TMEM135: variants seen among roughly 807,000 people sequenced by gnomAD.
The protein encoded by TMEM135 is peroxisomal membrane protein 52.
TMEM135 carries 30 observed loss-of-function variants against 60.3 expected under a neutral mutation model. The observed-to-expected ratio is 0.50, with a 90% confidence interval of 0.37 to 0.68. TMEM135 has a LOEUF of 0.68. TMEM135 is among the 30% of genes least tolerant of loss of function. TMEM135 has a pLI of 0.00. For synonymous variants in TMEM135, 190 were observed against 186.7 expected (o/e 1.02, Z -0.14); for missense variants, 468 against 548.8 (o/e 0.85, Z 1.47).
chr11:87,095,552 G>A (rs1325853204), intron 4 of TMEM135: 5 of 200,600 alleles, frequency 2.5e-5, no homozygotes, highest in Admixed American at 9.1e-5. Flanking sequence ...AAGCCTGTCC[G>A]GTTATCAAAA....
intron 6 of TMEM135, among the ~76,000 whole-genome samples, chr11:87,285,789 C>T (rs1374614503): frequency 6.6e-6 from 1 of 152,208 alleles, no homozygotes; most frequent in Non-Finnish European, 1.5e-5. Context: ...TTATCTGGCC[C>T]CACCCTCATC....
At chr11:87,195,314 TTTCCTTCCTTCCTTCC>T (rs58025103) in intron 5 of TMEM135, among the ~76,000 whole-genome samples, 6,667 of 65,560 alleles carry the variant, frequency 0.1, 641 homozygotes, top group Admixed American at 0.12. Context: ...TTTCTTTCTC[TTTCCTTCCTTCCTTCC>T]TTCCTTCCTT....
rs1942338205 is a variant in TMEM135 at position 87,295,795 on chromosome 11, T to G, written c.523T>G (p.Leu175Val). The G allele has an allele frequency of 6.2e-7, 1 of 1,607,982 alleles. No homozygotes were observed. Among genetic ancestry groups the G allele is most frequent in the African/African-American group, 1.3e-5 (1 of 74,802 alleles). ...TTATTGTTTTAGGTGCAAGGATGGC[T>G]TGAAAGGATTTACATTTTCTGCACT... is the stretch of plus-strand genomic sequence containing the variant. The part of the protein sequence containing the change: ...YMFFFRCKDG[L>V]KGFTFSALRF... Residue 175 changes from leucine to valine, a missense_variant, in exon 7 of 15, where the codon TTG becomes GTG. Leu to Val is a conservative substitution (Grantham distance 32). Coordinates refer to ENST00000305494, the MANE Select transcript of TMEM135 (RefSeq NM_022918.4).
intron 6 of TMEM135, among the ~76,000 whole-genome samples, chr11:87,245,560 G>T (rs1941248438): frequency 7.0e-6 from 1 of 143,822 alleles, no homozygotes; most frequent in East Asian, 2.0e-4. Flanking sequence ...ATGTATTTAG[G>T]ATAGTTAGCT....
chr11:87,292,809 TCTG>T (rs1942289816), intron 6 of TMEM135, among the ~76,000 whole-genome samples: 1 of 152,232 alleles, frequency 6.6e-6, no homozygotes, highest in South Asian at 2.1e-4. Context: ...CCCACAGAGT[TCTG>T]CTGAAAGAAC....
At chr11:87,263,304 A>G (rs1941689328) in intron 6 of TMEM135, among the ~76,000 whole-genome samples, 2 of 152,224 alleles carry the variant, frequency 1.3e-5, no homozygotes, top group South Asian at 4.1e-4. Flanking sequence ...TGAAGAGCAC[A>G]TTTTGAAAAT....
chr11:87,055,897 G>T (rs903057763), intron 1 of TMEM135, among the ~76,000 whole-genome samples: 1 of 152,122 alleles, frequency 6.6e-6, no homozygotes, highest in Non-Finnish European at 1.5e-5. Flanking sequence ...TGGATTTTGC[G>T]CAAGAAAGAA....
intron 4 of TMEM135, among the ~76,000 whole-genome samples, chr11:87,129,665 T>G (rs1261829149): frequency 1.3e-5 from 2 of 151,582 alleles, no homozygotes; most frequent in Non-Finnish European, 2.9e-5. Flanking sequence ...CTCAGTTTCT[T>G]GAGTAGCTGG....
intron 1 of TMEM135, among the ~76,000 whole-genome samples, chr11:87,046,224 C>G (rs751270909): frequency 5.3e-5 from 8 of 151,996 alleles, no homozygotes; most frequent in African/African-American, 1.2e-4. Flanking sequence ...TGGTCAAATG[C>G]TGAAACCCCT....
rs1209203578 is a variant in TMEM135 at position 87,112,823 on chromosome 11, T to A, written c.396+21428T>A. 3.9e-5 allele frequency among the ~76,000 whole-genome samples: 6 copies of A among 152,048 alleles called. No individual in the cohort carries two copies. The South Asian group carries it at 1.2e-3, about 31-fold the overall frequency. ...GCATATGATAAGGGTTTTTTTTTCT[T>A]CCAATAATGAATTACATCATTTAGT... is the stretch of plus-strand genomic sequence containing the variant. On this transcript the variant is annotated intron_variant, in intron 4 of 14. Transcript: ENST00000305494.
intron 4 of TMEM135, among the ~76,000 whole-genome samples, chr11:87,100,392 G>T (rs1857431101): frequency 6.6e-6 from 1 of 152,126 alleles, no homozygotes; most frequent in South Asian, 2.1e-4. Context: ...TTTCAGAACA[G>T]GTAGGGATTT....
chr11:87,060,629 CTTTTTCT>C (rs1320165616), intron 1 of TMEM135, among the ~76,000 whole-genome samples: 4 of 149,264 alleles, frequency 2.7e-5, no homozygotes, highest in African/African-American at 9.9e-5. Context: ...TCTCTCTGTA[CTTTTTCT>C]TTTTTCTTTC....
At chr11:87,269,280 G>GTTTT (rs374547199) in intron 6 of TMEM135, among the ~76,000 whole-genome samples, 57 of 115,320 alleles carry the variant, frequency 4.9e-4, no homozygotes, top group South Asian at 1.2e-3. Context: ...TTGCTTTAGG[G>GTTTT]TTTTTTTTTT....
rs567197052 is a variant in TMEM135 at position 87,081,233 on chromosome 11, G to A, written c.362+9618G>A. On this transcript the variant is annotated intron_variant, in intron 3 of 14. Transcript: ENST00000305494. ...TTATTGGTATGGCTAGGTTGAGTGAGCCATTTTATTATTTGTTTTCTGCTT... is the reference window on the plus strand; with the variant it reads ...TTATTGGTATGGCTAGGTTGAGTGAACCATTTTATTATTTGTTTTCTGCTT... Among the ~76,000 whole-genome samples, 79 of 151,978 alleles carry A rather than the reference G, an allele frequency of 5.2e-4. 3 individuals are homozygous for A. The South Asian group carries it at 0.016, about 31-fold the overall frequency.
chr11:87,191,067 C>CT (rs1275997080), intron 5 of TMEM135, among the ~76,000 whole-genome samples: 2 of 152,134 alleles, frequency 1.3e-5, no homozygotes, highest in African/African-American at 2.4e-5. Flanking sequence ...ACACAAAACT[C>CT]TAATTCCTTG....
intron 6 of TMEM135, among the ~76,000 whole-genome samples, chr11:87,245,180 CTGAGT>C (rs1227466610): frequency 6.6e-6 from 1 of 150,972 alleles, no homozygotes; most frequent in African/African-American, 2.4e-5. Context: ...TTTCTTAATC[CTGAGT>C]TCTAATTTGA....
At chr11:87,111,225 C>T (rs193034380) in intron 4 of TMEM135, among the ~76,000 whole-genome samples, 60 of 151,902 alleles carry the variant, frequency 3.9e-4, no homozygotes, top group Non-Finnish European at 7.4e-4. Context: ...TTTTTTTGGT[C>T]GTGAATTTAA....
chr11:87,299,597 T>C (rs1385914980), intron 7 of TMEM135, among the ~76,000 whole-genome samples: 1 of 152,196 alleles, frequency 6.6e-6, no homozygotes, highest in Admixed American at 6.5e-5. Flanking sequence ...ATATACTTAG[T>C]GTACATTTAT....
chr11:87,234,462 C>T (rs1182756561), intron 5 of TMEM135, among the ~76,000 whole-genome samples: 1 of 151,882 alleles, frequency 6.6e-6, no homozygotes, highest in Non-Finnish European at 1.5e-5. Flanking sequence ...ATTTATTCTC[C>T]TAATTATTGG....
Sources: gnomAD v4.1 joint callset for allele counts (sites outside exome capture counted in the v4.1 genomes callset) on GRCh38, gnomAD v4.1.1 for gene constraint, MANE v1.5 for transcripts, NCBI Gene and HGNC (gene_info 2026-07-23, HGNC 2026-07-21) for gene names.